The following PRKN variants were observed in gnomAD, a reference collection of about 807,000 sequenced individuals.
The protein encoded by PRKN is E3 ubiquitin-protein ligase parkin.
PRKN carries 56 observed loss-of-function variants against 59.5 expected under a neutral mutation model. That is an observed-to-expected ratio of 0.94 (90% confidence interval 0.76 to 1.18). The LOEUF (loss-of-function observed/expected upper bound fraction) is 1.18. Among genes scored for constraint, PRKN ranks in the 50% most tolerant of loss-of-function variants. The pLI is 0.00. For synonymous variants in PRKN, 250 were observed against 222.1 expected, an observed-to-expected ratio of 1.13 and a Z score of -1.12; for missense variants, 657 against 596.4, an observed-to-expected ratio of 1.10 and a Z score of -1.06.
At chr6:162,577,106 GAGT>G (rs2128210247) in intron 1 of PRKN, among the ~76,000 whole-genome samples, 1 of 152,198 alleles carries the variant, frequency 6.6e-6, no homozygotes, top group Non-Finnish European at 1.5e-5. Flanking sequence ...AAAGATAAGT[GAGT>G]AGGTGGAGAA....
At chr6:162,685,085 C>T (rs2128233711) in intron 1 of PRKN, among the ~76,000 whole-genome samples, 1 of 152,264 alleles carries the variant, frequency 6.6e-6, no homozygotes, top group African/African-American at 2.4e-5. Flanking sequence ...CACTGCTTAC[C>T]AGCTATAGAC....
chr6:162,130,609 G>C (rs1468675190), intron 4 of PRKN, among the ~76,000 whole-genome samples: 2 of 152,108 alleles, frequency 1.3e-5, no homozygotes, highest in African/African-American at 4.8e-5. Context: ...TGGGGACATG[G>C]ATCCCAACCT....
rs548743646 is a variant in PRKN, at chr6:161,567,037, T to TTTTTGTG, written c.933+2317_933+2318insCACAAAA. On this transcript the variant is annotated intron_variant, in intron 8 of 11. Transcript: ENST00000366898. Reference sequence around the variant, plus strand: ...CACTGTCCTTGTTTTTTTTTTTTTTTTGTGTGTGTGTGTGTGTGTGTGAGA... The same window carrying TTTTTGTG: ...CACTGTCCTTGTTTTTTTTTTTTTTTTTTTGTGTGTGTGTGTGTGTGTGTGTGTGAGA... 8.1e-3 allele frequency among the ~76,000 whole-genome samples: 840 copies of TTTTTGTG among 103,686 alleles called. 12 individuals are homozygous for TTTTTGTG. Among genetic ancestry groups the TTTTTGTG allele is most frequent in the East Asian group, 0.071 (191 of 2,696 alleles). 68.0% of individuals were successfully genotyped at this position (103,686 alleles called of 152,430 possible).
chr6:161,436,206 CAGAGAG>C, intron 9 of PRKN, among the ~76,000 whole-genome samples: 1 of 82,306 alleles, frequency 1.2e-5, no homozygotes. Flanking sequence ...GATGGGAGGG[CAGAGAG>C]CAGAGGGTGG....
intron 5 of PRKN, among the ~76,000 whole-genome samples, chr6:162,010,355 A>G (rs1416235237): frequency 8.3e-6 from 1 of 120,994 alleles, no homozygotes; most frequent in Non-Finnish European, 1.6e-5. Flanking sequence ...ATATACATTT[A>G]TTATATGTAA....
Position 162,046,904 on chromosome 6 carries a change from T to TAAA in PRKN, c.618+7184_618+7186dup, listed in dbSNP as rs67078159. Among the ~76,000 whole-genome samples the TAAA allele has an allele frequency of 4.0e-5, 6 of 149,000 alleles. No homozygotes were observed. The East Asian group carries it at 1.2e-3, about 29-fold the overall frequency. ...ATCTTCTAATTTTAACCTTAACAAT[T>TAAA]AAAAAAAAAAACAAGAAATTTTTTG... On this transcript the variant is annotated intron_variant, in intron 5 of 11. Coordinates refer to ENST00000366898, the MANE Select transcript of PRKN (RefSeq NM_004562.3).
intron 7 of PRKN, among the ~76,000 whole-genome samples, chr6:161,572,128 G>C (rs563069727): frequency 6.6e-5 from 10 of 152,110 alleles, no homozygotes; most frequent in Non-Finnish European, 1.3e-4. Context: ...TCTCTTTATA[G>C]ATCCTATAGA....
chr6:161,711,318 C>T (rs1339030708), intron 7 of PRKN, among the ~76,000 whole-genome samples: 2 of 152,120 alleles, frequency 1.3e-5, no homozygotes, highest in Non-Finnish European at 2.9e-5. Context: ...AGCATTGTTA[C>T]TACAGTAAAA....
intron 4 of PRKN, among the ~76,000 whole-genome samples, chr6:162,139,980 T>C (rs1255753255): frequency 6.6e-6 from 1 of 152,216 alleles, no homozygotes; most frequent in Non-Finnish European, 1.5e-5. Context: ...CATTATATTT[T>C]TGGAAACTTA....
rs550585330 is a variant in PRKN, at chr6:162,711,632, A to G, written c.7+16030T>C. On this transcript the variant is annotated intron_variant, in intron 1 of 11. Transcript: ENST00000366898. ...GCCGTAGCTAATGCCATGTTTAGCA[A>G]TCTAGATTGCAGCAACTCAGTGACA... is the stretch of plus-strand genomic sequence containing the variant. 2.6e-5 allele frequency among the ~76,000 whole-genome samples: 4 copies of G among 152,302 alleles called. No individual in the cohort carries two copies. The East Asian group carries it at 7.7e-4, about 29-fold the overall frequency.
rs544031023 is a variant in PRKN, at chr6:162,353,326, G to A, written c.171+89984C>T. 4.5e-4 allele frequency among the ~76,000 whole-genome samples: 68 copies of A among 150,606 alleles called. No homozygotes were observed. In the South Asian group the frequency reaches 0.012, roughly 28 times the overall value. ...CAAATCTAATTTTTATCTTTCTCTC[G>A]AATAGGCAGCACAAAAATTACTGGA... On this transcript the variant is annotated intron_variant, in intron 2 of 11. Coordinates refer to ENST00000366898, the MANE Select transcript of PRKN (RefSeq NM_004562.3).
In PRKN at chr6:161,545,934, A is replaced by C. The variant is rs931150061; in HGVS notation, c.1083+2920T>G. On this transcript the variant is annotated intron_variant, in intron 9 of 11. Transcript: ENST00000366898. The surrounding 1 kb of genome is among the most constrained non-coding windows in gnomAD (Gnocchi z 4.1). ...TCACATTTCCTGTGTAACGATCACA[A>C]TATAAACAAATGGCATGGTGGCAAA... 5.9e-5 allele frequency among the ~76,000 whole-genome samples: 9 copies of C among 152,252 alleles called. No homozygotes were observed. Among genetic ancestry groups the C allele is most frequent in the African/African-American group, 1.9e-4 (8 of 41,468 alleles).
intron 6 of PRKN, among the ~76,000 whole-genome samples, chr6:161,961,648 G>A (rs550998631): frequency 1.1e-4 from 17 of 152,246 alleles, no homozygotes; most frequent in East Asian, 7.7e-4. Context: ...GAGTGTCCCC[G>A]TCGACGGCTT....
intron 7 of PRKN, among the ~76,000 whole-genome samples, chr6:161,730,838 TTTCTGGTGTGTTGCA>T (rs1251974814): frequency 2.6e-5 from 4 of 152,224 alleles, no homozygotes; most frequent in Non-Finnish European, 5.9e-5. Flanking sequence ...TGTTGCATTC[TTTCTGGTGTGTTGCA>T]TTCTGAAGTG....
chr6:162,572,451 C>A (rs897779319), intron 1 of PRKN, among the ~76,000 whole-genome samples: 1 of 152,182 alleles, frequency 6.6e-6, no homozygotes, highest in Non-Finnish European at 1.5e-5. Context: ...CTCCAGCTGT[C>A]ATCTGCAGAA....
intron 6 of PRKN, among the ~76,000 whole-genome samples, chr6:161,940,303 G>C (rs781609454): frequency 1.3e-5 from 2 of 151,686 alleles, no homozygotes; most frequent in African/African-American, 2.4e-5. Context: ...GAAAAGAAAA[G>C]AAAAAGAAAA....
rs1411838975 is a variant in PRKN, at chr6:161,582,415, A to ATTG, written c.872-13000_872-12999insCAA. Among the ~76,000 whole-genome samples the ATTG allele has an allele frequency of 2.0e-5, 3 of 148,302 alleles. No individual in the cohort carries two copies. Among genetic ancestry groups the ATTG allele is most frequent in the Non-Finnish European group, 3.0e-5 (2 of 66,770 alleles). On this transcript the variant is annotated intron_variant, in intron 7 of 11. Coordinates refer to ENST00000366898, the MANE Select transcript of PRKN (RefSeq NM_004562.3). The surrounding 1 kb of genome is among the most constrained non-coding windows in gnomAD (Gnocchi z 4.4). ...CTAGGAAAGACTGCATCTGCAGACTATTATTATTATTATTATTATTATTAT... is the reference window on the plus strand; with the variant it reads ...CTAGGAAAGACTGCATCTGCAGACTATTGTTATTATTATTATTATTATTATTAT...
intron 9 of PRKN, among the ~76,000 whole-genome samples, chr6:161,408,333 A>G (rs1452769540): frequency 6.6e-6 from 1 of 151,810 alleles, no homozygotes; most frequent in Non-Finnish European, 1.5e-5. Flanking sequence ...AAAAAAAAAA[A>G]AAAGCCCATC....
intron 2 of PRKN, among the ~76,000 whole-genome samples, chr6:162,302,370 G>C (rs1357102835): frequency 6.6e-6 from 1 of 151,950 alleles, no homozygotes; most frequent in East Asian, 1.9e-4. Context: ...ATTAACCTAA[G>C]TTAGACTTAA....
Sources: allele counts gnomAD v4.1 joint callset (sites outside exome capture counted in the v4.1 genomes callset), GRCh38; gene constraint gnomAD v4.1.1; non-coding constraint Gnocchi (gnomAD v3.1); transcripts MANE v1.5; gene names NCBI Gene and HGNC (gene_info 2026-07-23, HGNC 2026-07-21).